The following WDR37 variants were observed in gnomAD, a reference collection of about 807,000 sequenced individuals.
The protein encoded by WDR37 is WD repeat domain 37.
In WDR37, 19 loss-of-function variants were observed where a neutral mutation model predicts 62.9. That is an observed-to-expected ratio of 0.30 (90% CI 0.21 to 0.44). The LOEUF is 0.44. Ranked by LOEUF, WDR37 falls within the 20% of genes least tolerant of loss-of-function variation. The pLI is 1.00. For missense variants in WDR37, 474 were observed against 657.6 expected (o/e 0.72, Z 3.05); for synonymous variants, 250 against 260.9 (o/e 0.96, Z 0.40).
intron 5 of WDR37, among the ~76,000 whole-genome samples, chr10:1,084,030 G>C (rs1486278889): frequency 6.6e-6 from 1 of 152,170 alleles, no homozygotes; most frequent in African/African-American, 2.4e-5. Context: ...TTTTGTATCT[G>C]AGTGGCTAGC....
intron 1 of WDR37, among the ~76,000 whole-genome samples, chr10:1,058,140 G>A (rs1043760884): frequency 1.3e-5 from 2 of 152,182 alleles, no homozygotes; most frequent in African/African-American, 4.8e-5. Context: ...GGGTTTAGAC[G>A]CTGCCTTTCT....
At chr10:1,109,399 T>C (rs985218917) in intron 11 of WDR37, among the ~76,000 whole-genome samples, 1 of 152,360 alleles carries the variant, frequency 6.6e-6, no homozygotes, top group South Asian at 2.1e-4. Context: ...GCCATTTGAC[T>C]GTGAAGTGAA....
In WDR37 at chr10:1,130,838, C is replaced by T. The variant is rs1835934634; in HGVS notation, c.*1494C>T. On this transcript the variant is annotated 3_prime_UTR_variant, in exon 14 of 14. Transcript: ENST00000263150. ...GCAGCTCGCCAGGGATGAGAGGCAC[C>T]TCCCTACTTGGGTCTTCAGGAGCTG... 1 of 151,670 alleles carries T rather than the reference C, an allele frequency of 6.6e-6. No individual in the cohort carries two copies. The highest frequency in any genetic ancestry group is 2.4e-5 in the African/African-American group (1 of 41,070). 9.4% of individuals were successfully genotyped at this position (151,670 alleles called of 1,614,324 possible).
chr10:1,124,065 G>T, intron 11 of WDR37, 153 bp from the exon 12 acceptor site: 1 of 916,112 alleles, frequency 1.1e-6, no homozygotes, highest in Non-Finnish European at 1.6e-6. Flanking sequence ...TGGTGGAGAG[G>T]CTTTGGGAGG....
chr10:1,086,247 T>C (rs1348678672), intron 6 of WDR37, 39 bp from the exon 7 acceptor site: 1 of 1,557,488 alleles, frequency 6.4e-7, no homozygotes, highest in South Asian at 1.1e-5. Flanking sequence ...TATAAACTGA[T>C]GATAGCTAAG....
chr10:1,096,125 C>T (rs758019718), intron 8 of WDR37, 45 bp from the exon 9 acceptor site: 2 of 1,601,508 alleles, frequency 1.2e-6, no homozygotes, highest in East Asian at 4.5e-5. Flanking sequence ...GCGCATTTTA[C>T]CATGGTCTGT....
intron 5 of WDR37, among the ~76,000 whole-genome samples, chr10:1,082,783 A>AGCAGCACAGCTCCC (rs1367608272): frequency 6.6e-6 from 1 of 152,098 alleles, no homozygotes; most frequent in African/African-American, 2.4e-5. Context: ...GCACAGCTCC[A>AGCAGCACAGCTCCC]GCAGCACAGC....
intron 11 of WDR37, among the ~76,000 whole-genome samples, chr10:1,120,594 T>C (rs1835546396): frequency 6.6e-6 from 1 of 152,226 alleles, no homozygotes; most frequent in Non-Finnish European, 1.5e-5. Context: ...GTACCTTGAC[T>C]GAGAAGCCTG....
chr10:1,101,534 C>T (rs1042211088), intron 9 of WDR37, among the ~76,000 whole-genome samples: 1 of 152,218 alleles, frequency 6.6e-6, no homozygotes, highest in Non-Finnish European at 1.5e-5. Flanking sequence ...GACTTCGACA[C>T]AGGAATTTGG....
intron 2 of WDR37, among the ~76,000 whole-genome samples, chr10:1,077,187 A>T (rs912070850): frequency 4.8e-4 from 73 of 152,232 alleles, no homozygotes; most frequent in African/African-American, 1.3e-3. Context: ...GGTGGGTCCA[A>T]GCAGTGAGTG....
At chr10:1,124,061 A>G in intron 11 of WDR37, 157 bp from the exon 12 acceptor site, 3 of 855,752 alleles carry the variant, frequency 3.5e-6, no homozygotes, top group Non-Finnish European at 5.3e-6. Context: ...GCACTGGTGG[A>G]GAGGCTTTGG....
chr10:1,092,175 G>A (rs1317640776), intron 7 of WDR37, among the ~76,000 whole-genome samples: 5 of 101,744 alleles, frequency 4.9e-5, no homozygotes, highest in Non-Finnish European at 7.6e-5. Flanking sequence ...GCGAGACTCC[G>A]TCTCAAAAAA....
Position 1,056,807 on chromosome 10 carries a change from A to C in WDR37, c.-202A>C, listed in dbSNP as rs1833189086. Reference sequence around the variant, plus strand: ...GGGGCGGGACTTCCGGCGACACCGGAAGTGCATTAGCGCCAGGTTGGGGTT... The same window carrying C: ...GGGGCGGGACTTCCGGCGACACCGGCAGTGCATTAGCGCCAGGTTGGGGTT... On this transcript the variant is annotated 5_prime_UTR_variant, in exon 1 of 14. Transcript: ENST00000263150. 6.6e-6 allele frequency: 1 copy of C among 152,152 alleles called. No individual in the cohort carries two copies. The highest frequency in any genetic ancestry group is 1.9e-4 in the East Asian group (1 of 5,166). 9.4% of individuals were successfully genotyped at this position (152,152 alleles called of 1,614,324 possible).
chr10:1,099,898 G>A (rs1201592260), intron 9 of WDR37, among the ~76,000 whole-genome samples: 6 of 151,116 alleles, frequency 4.0e-5, no homozygotes, highest in Non-Finnish European at 4.4e-5. Context: ...GGGCGTGGTG[G>A]AGTGGTGGAG....
chr10:1,114,543 C>G (rs187161930), intron 11 of WDR37, among the ~76,000 whole-genome samples: 1 of 152,216 alleles, frequency 6.6e-6, no homozygotes, highest in African/African-American at 2.4e-5. Flanking sequence ...AATGCGGTTG[C>G]TCACTTAACA....
chr10:1,094,708 A>G (rs1834510482), intron 8 of WDR37, among the ~76,000 whole-genome samples: 1 of 152,192 alleles, frequency 6.6e-6, no homozygotes, highest in African/African-American at 2.4e-5. Flanking sequence ...ACATCCAGGA[A>G]CTGATGAAGA....
chr10:1,087,719 G>A (rs758743604), intron 7 of WDR37, among the ~76,000 whole-genome samples: 12 of 152,296 alleles, frequency 7.9e-5, no homozygotes, highest in South Asian at 2.1e-4. Flanking sequence ...GAGATGTAGC[G>A]TAATTCTTAA....
At chr10:1,072,673 T>C (rs1175797795) in intron 2 of WDR37, among the ~76,000 whole-genome samples, 1 of 112,246 alleles carries the variant, frequency 8.9e-6, no homozygotes, top group East Asian at 2.7e-4. Flanking sequence ...TAGCCAAATA[T>C]ATAAAGGTCT....
intron 1 of WDR37, among the ~76,000 whole-genome samples, chr10:1,062,025 C>G (rs1833386567): frequency 6.7e-6 from 1 of 149,300 alleles, no homozygotes; most frequent in Admixed American, 6.7e-5. Context: ...TTTGGGGGGG[C>G]CAAGGACTGA....
Sources: gnomAD v4.1 joint callset for allele counts (sites outside exome capture counted in the v4.1 genomes callset) on GRCh38, gnomAD v4.1.1 for gene constraint, MANE v1.5 for transcripts, NCBI Gene and HGNC (gene_info 2026-07-23, HGNC 2026-07-21) for gene names.